ACER1: variants seen among roughly 807,000 people sequenced by gnomAD.
ACER1 encodes the protein alkaline ceramidase 1, also known as CTB-180A7.3.
ACER1 carries 28 observed loss-of-function variants against 24.9 expected under a neutral mutation model. The ratio of observed to expected loss-of-function variants is 1.13; its 90% CI spans 0.83 to 1.54. ACER1 has a LOEUF of 1.54. Ranked by LOEUF, ACER1 falls within the 40% of genes most tolerant of loss-of-function variation. The pLI, the probability that ACER1 is intolerant of heterozygous loss-of-function variation, is 0.00. For missense variants in ACER1, 352 were observed against 349.3 expected (o/e 1.01, Z -0.06); for synonymous variants, 132 against 131.4 (o/e 1.00, Z -0.03).
At chr19:6,336,981 G>C (rs1205814245), upstream of ACER1, among the ~76,000 whole-genome samples, 1 of 151,340 alleles carries the variant, frequency 6.6e-6, no homozygotes, top group Non-Finnish European at 1.5e-5. Context: ...TTCAAGACTA[G>C]CCTGGCCAAA....
At chr19:6,309,185 G>C (rs569956498) in intron 4 of ACER1, among the ~76,000 whole-genome samples, 7 of 151,650 alleles carry the variant, frequency 4.6e-5, no homozygotes, top group Non-Finnish European at 8.8e-5. Flanking sequence ...AAGACAGAGA[G>C]AGACTCTGTC....
intron 1 of ACER1, among the ~76,000 whole-genome samples, chr19:6,326,099 T>C (rs2091660039): frequency 6.8e-6 from 1 of 147,570 alleles, no homozygotes; most frequent in East Asian, 2.0e-4. Context: ...GGACCACAAG[T>C]GTGCACCACC....
At chr19:6,319,196 CA>C (rs2145006397) in intron 1 of ACER1, among the ~76,000 whole-genome samples, 1 of 152,312 alleles carries the variant, frequency 6.6e-6, no homozygotes, top group African/African-American at 2.4e-5. Context: ...GAGTTATCAA[CA>C]GTGTCCCTAA....
At chr19:6,314,278 A>T (rs760350857) in intron 1 of ACER1, among the ~76,000 whole-genome samples, 1 of 151,690 alleles carries the variant, frequency 6.6e-6, no homozygotes, top group South Asian at 2.1e-4. Context: ...GAAACCAGCC[A>T]GGGCAACATG....
the ACER1 span, among the ~76,000 whole-genome samples, chr19:6,339,830 G>GT: frequency 6.6e-5 from 10 of 151,642 alleles, no homozygotes; most frequent in African/African-American, 1.7e-4. Context: ...ACCCGGCTAA[G>GT]TTTTTTTTGT....
chr19:6,359,835 C>T, the ACER1 span, among the ~76,000 whole-genome samples: 550 of 152,154 alleles, frequency 3.6e-3, 2 homozygotes, highest in Non-Finnish European at 5.9e-3. Flanking sequence ...ATCATTATCC[C>T]CACTCTGCAG....
chr19:6,339,971 A>T, the ACER1 span, among the ~76,000 whole-genome samples: 2 of 148,984 alleles, frequency 1.3e-5, no homozygotes, highest in South Asian at 4.5e-4. Context: ...GGCCTGATTT[A>T]GGTTTTTAAA....
Position 6,315,358 on chromosome 19 carries a change from C to T in ACER1, c.94-2859G>A, listed in dbSNP as rs890420735. Among the ~76,000 whole-genome samples the T allele has an allele frequency of 2.6e-5, 4 of 151,800 alleles. No individual in the cohort carries two copies. The Admixed American group carries it at 2.6e-4, about 10-fold the overall frequency. ...AGCTGGGACTACAAGCATGCACCAC[C>T]ATGTCCAGCTAATTTTTGTTTTGTT... On this transcript the variant is annotated intron_variant, in intron 1 of 5. Transcript: ENST00000301452.
At chr19:6,307,023 C>A in intron 5 of ACER1, 130 bp downstream of exon 5, 2 of 1,494,232 alleles carry the variant, frequency 1.3e-6, no homozygotes, top group Non-Finnish European at 1.8e-6. Context: ...CCTTCCCCTA[C>A]CGCCAGGTCC....
upstream of ACER1, among the ~76,000 whole-genome samples, chr19:6,336,671 C>T (rs10404992): frequency 0.05 from 7,511 of 150,334 alleles, 277 homozygotes; most frequent in African/African-American, 0.11. Flanking sequence ...ATATAAAAAC[C>T]TAGCCAGGCA....
At position 6,312,445 on chromosome 19, in the gene ACER1, G is replaced by A. The variant is rs1435487037; in HGVS notation, c.148C>T (p.Pro50Ser). Residue 50 changes from proline (P) to serine (S), a missense_variant, in exon 2 of 6, where the codon CCG becomes TCG. Pro to Ser is a moderately conservative substitution (Grantham distance 74). Coordinates refer to ENST00000301452, the MANE Select transcript of ACER1 (RefSeq NM_133492.3). ...TAGCGGGAGCGCTTCTGGGCATACG[G>A]GTGCATCAGGAGCATCATCAGTGGC... ...FGPLMMLLMH[P>S]YAQKRSRYIY... 3.1e-6 allele frequency: 5 copies of A among 1,613,976 alleles called. No individual in the cohort carries two copies. Among genetic ancestry groups the A allele is most frequent in the Admixed American group, 1.7e-5 (1 of 59,990 alleles).
chr19:6,314,124 AAT>A (rs74173084), intron 1 of ACER1, among the ~76,000 whole-genome samples: 19,805 of 148,456 alleles, frequency 0.13, 1,611 homozygotes, highest in East Asian at 0.28. Context: ...ATATATTGTG[AAT>A]ATATATATAT....
the ACER1 span, among the ~76,000 whole-genome samples, chr19:6,351,194 G>A: frequency 1.3e-5 from 2 of 151,296 alleles, no homozygotes; most frequent in Non-Finnish European, 2.9e-5. Flanking sequence ...ATGAAGCCCC[G>A]TCTCTACTAA....
chr19:6,338,136 A>AT (rs770645465), upstream of ACER1, among the ~76,000 whole-genome samples: 5 of 151,694 alleles, frequency 3.3e-5, no homozygotes, highest in African/African-American at 7.3e-5. Context: ...ATAAATATGT[A>AT]TTTTTTAAGA....
At chr19:6,336,929 A>G (rs974513716), upstream of ACER1, among the ~76,000 whole-genome samples, 9 of 150,892 alleles carry the variant, frequency 6.0e-5, no homozygotes, top group African/African-American at 2.0e-4. Context: ...TAATCCCAGC[A>G]CTCTGGGAGG....
chr19:6,332,960 C>A (rs374088431), intron 1 of ACER1, among the ~76,000 whole-genome samples: 1 of 152,100 alleles, frequency 6.6e-6, no homozygotes. Context: ...TGAGCCACCG[C>A]GCCCAGCCAA....
chr19:6,316,175 T>G (rs1167725542), intron 1 of ACER1, among the ~76,000 whole-genome samples: 1 of 152,180 alleles, frequency 6.6e-6, no homozygotes, highest in Non-Finnish European at 1.5e-5. Context: ...GGTTCATGCC[T>G]GTGATTCCAG....
intron 1 of ACER1, among the ~76,000 whole-genome samples, chr19:6,328,243 T>G (rs1321670311): frequency 6.6e-6 from 1 of 150,498 alleles, no homozygotes; most frequent in Non-Finnish European, 1.5e-5. Context: ...GTAATCCCAG[T>G]ACTTTGGGAG....
Position 6,333,554 on chromosome 19 carries a change from T to C in ACER1, c.-3A>G, listed in dbSNP as rs755607744. The C allele has an allele frequency of 1.3e-5, 21 of 1,576,114 alleles. No individual in the cohort carries two copies. The African/African-American group carries it at 2.8e-4, about 21-fold the overall frequency. ...TGATAGGCGAAGATGCTAGGCATCTTGTCTCAGTGGCCACCACCAGCCGGC... is the reference window on the plus strand; with the variant it reads ...TGATAGGCGAAGATGCTAGGCATCTCGTCTCAGTGGCCACCACCAGCCGGC... On this transcript the variant is annotated 5_prime_UTR_variant, in exon 1 of 6. Coordinates refer to ENST00000301452, the MANE Select transcript of ACER1 (RefSeq NM_133492.3).
Sources: gnomAD v4.1 joint callset for allele counts (sites outside exome capture counted in the v4.1 genomes callset) on GRCh38, gnomAD v4.1.1 for gene constraint, MANE v1.5 for transcripts, NCBI Gene and HGNC (gene_info 2026-07-23, HGNC 2026-07-21) for gene names.